The following RPTOR variants were observed in gnomAD, a reference collection of about 807,000 sequenced individuals.
The protein encoded by RPTOR is regulatory associated protein of MTOR complex 1.
In RPTOR, 21 loss-of-function variants were observed where a neutral mutation model predicts 169.9. The ratio of observed to expected loss-of-function variants is 0.12; its 90% CI spans 0.09 to 0.18. The LOEUF (loss-of-function observed/expected upper bound fraction) is 0.18, where lower values mean the gene tolerates loss of function less well. Ranked by LOEUF, RPTOR falls within the 10% of genes least tolerant of loss-of-function variation. The probability of loss-of-function intolerance (pLI) is 1.00; values close to 1 mark genes in which losing one functional copy is unlikely to be tolerated. For synonymous variants in RPTOR, 732 were observed against 753.2 expected (o/e 0.97, Z 0.46); for missense variants, 1,133 against 1,855.9 (o/e 0.61, Z 7.16).
chr17:80,750,333 C>T (rs1169511336), intron 5 of RPTOR, among the ~76,000 whole-genome samples: 1 of 152,186 alleles, frequency 6.6e-6, no homozygotes, highest in Non-Finnish European at 1.5e-5. Flanking sequence ...CTTACGTGGC[C>T]AGTGGTAGTG....
At chr17:80,939,849 A>G (rs938438804) in intron 24 of RPTOR, among the ~76,000 whole-genome samples, 9 of 152,212 alleles carry the variant, frequency 5.9e-5, no homozygotes, top group African/African-American at 2.2e-4. Flanking sequence ...TGCTGACCTC[A>G]GTGCCCCCCA....
chr17:80,780,959 C>T (rs969930919), intron 6 of RPTOR, among the ~76,000 whole-genome samples: 1 of 152,174 alleles, frequency 6.6e-6, no homozygotes, highest in African/African-American at 2.4e-5. Flanking sequence ...TGAGATGCAC[C>T]AGGATCCTGT....
intron 1 of RPTOR, among the ~76,000 whole-genome samples, chr17:80,556,864 C>A (rs9890210): frequency 6.6e-6 from 1 of 151,472 alleles, no homozygotes; most frequent in Non-Finnish European, 1.5e-5. Flanking sequence ...GAGGTCGAGG[C>A]GGGTGGGTCA....
chr17:80,744,683 A>T (rs1273393520), intron 5 of RPTOR, among the ~76,000 whole-genome samples: 1 of 48,798 alleles, frequency 2.0e-5, no homozygotes, highest in African/African-American at 2.1e-4. Context: ...CTACTAGCAC[A>T]GCCCTGGCTA....
intron 1 of RPTOR, among the ~76,000 whole-genome samples, chr17:80,572,124 G>A (rs772693401): frequency 7.9e-5 from 12 of 152,234 alleles, no homozygotes; most frequent in Admixed American, 2.0e-4. Flanking sequence ...TAGAGACTGC[G>A]TCTCACTCTG....
intron 21 of RPTOR, among the ~76,000 whole-genome samples, chr17:80,917,748 C>T (rs563497244): frequency 6.6e-6 from 1 of 152,284 alleles, no homozygotes; most frequent in East Asian, 1.9e-4. Flanking sequence ...CTGTTGCCAC[C>T]GTGATCCCTC....
chr17:80,666,494 G>C (rs151048348), intron 3 of RPTOR, among the ~76,000 whole-genome samples: 1 of 152,262 alleles, frequency 6.6e-6, no homozygotes, highest in Non-Finnish European at 1.5e-5. Context: ...AGTGTAGGAA[G>C]GGCGCAAGGA....
rs1289121472 is a variant in RPTOR, at chr17:80,754,740, T to C, written c.830+555T>C. On this transcript the variant is annotated intron_variant, in intron 6 of 33. Coordinates refer to ENST00000306801, the MANE Select transcript of RPTOR (RefSeq NM_020761.3). The surrounding 1 kb of genome is among the most constrained non-coding windows in gnomAD (Gnocchi z 4.2). ...ATCCCCAGCAGAACGCACAGTGGGA[T>C]ATGTGTGTTTCCTGCCTCCAAATCC... Among the ~76,000 whole-genome samples, 1 of 152,172 alleles carries C rather than the reference T, an allele frequency of 6.6e-6. No homozygotes were observed. Among genetic ancestry groups the C allele is most frequent in the East Asian group, 1.9e-4 (1 of 5,194 alleles).
At position 80,947,359 on chromosome 17, in the gene RPTOR, G is replaced by A. The variant is rs1380973755; in HGVS notation, c.3265+8G>A. The A allele has an allele frequency of 6.5e-7, 1 of 1,549,618 alleles. No individual in the cohort carries two copies. Among genetic ancestry groups the A allele is most frequent in the Non-Finnish European group, 8.7e-7 (1 of 1,150,380 alleles). The stretch of plus-strand genomic sequence containing the variant: ...TTCTGCTGACGGCCACAGGTGAGCG[G>A]GGTTTGCACAGCCAGGATTGGAAGC... On this transcript the variant is annotated splice_region_variant and intron_variant, in intron 27 of 33. Transcript: ENST00000306801. This position sits in a 1 kb window ranked among gnomAD's most constrained non-coding sequence, Gnocchi z 4.4.
In RPTOR at chr17:80,774,278, G is replaced by A. The variant is rs977488682; in HGVS notation, c.831-17172G>A. On this transcript the variant is annotated intron_variant, in intron 6 of 33. Transcript: ENST00000306801. ...CACGCTCCGGTGTGACACAGACGGC[G>A]CGGGAGCTGCACGGGAGAGTGCTTT... The A allele has an allele frequency of 5.0e-5, 49 of 985,436 alleles. No homozygotes were observed. The Admixed American group carries it at 5.5e-4, about 11-fold the overall frequency. The allele number at this position is 985,436 out of a possible 1,614,324, so 61.0% of individuals were successfully genotyped here.
At chr17:80,848,038 C>G (rs1268564274) in intron 11 of RPTOR, among the ~76,000 whole-genome samples, 3 of 152,232 alleles carry the variant, frequency 2.0e-5, no homozygotes, top group Non-Finnish European at 2.9e-5. Context: ...CAGGACTTTG[C>G]CCCAAGAATC....
At chr17:80,808,470 A>G (rs1433769749) in intron 7 of RPTOR, among the ~76,000 whole-genome samples, 3 of 152,204 alleles carry the variant, frequency 2.0e-5, no homozygotes, top group African/African-American at 7.2e-5. Flanking sequence ...ATCTGCTGGG[A>G]AAAAGTTCTC....
At chr17:80,791,724 A>T (rs1207170287) in intron 7 of RPTOR, among the ~76,000 whole-genome samples, 2 of 152,218 alleles carry the variant, frequency 1.3e-5, no homozygotes, top group African/African-American at 2.4e-5. Context: ...ATGAAAAGAA[A>T]AATAATAAAA....
chr17:80,687,502 AT>A (rs200635031), intron 3 of RPTOR, among the ~76,000 whole-genome samples: 11,848 of 152,232 alleles, frequency 0.078, 546 homozygotes, highest in Middle Eastern at 0.13. Context: ...TCATTGTTTG[AT>A]GAAAGGCAGG....
chr17:80,760,389 C>A (rs1251927532), intron 6 of RPTOR, among the ~76,000 whole-genome samples: 1 of 149,842 alleles, frequency 6.7e-6, no homozygotes, highest in East Asian at 2.0e-4. Flanking sequence ...GCAACCTCCA[C>A]CTCCTCGGTT....
intron 9 of RPTOR, among the ~76,000 whole-genome samples, chr17:80,824,587 T>C (rs942368262): frequency 2.0e-5 from 3 of 152,138 alleles, no homozygotes; most frequent in African/African-American, 7.2e-5. Context: ...TACATTTATT[T>C]TAAAAGAGGA....
intron 28 of RPTOR, among the ~76,000 whole-genome samples, chr17:80,951,225 G>A (rs2069173992): frequency 1.3e-5 from 2 of 151,926 alleles, no homozygotes; most frequent in African/African-American, 4.9e-5. Flanking sequence ...ACCCCCAGAA[G>A]CATCCACACA....
At chr17:80,763,534 G>A (rs1319861538) in intron 6 of RPTOR, among the ~76,000 whole-genome samples, 4 of 152,226 alleles carry the variant, frequency 2.6e-5, no homozygotes, top group African/African-American at 9.7e-5. Context: ...GCAGATGAAT[G>A]AGAAGTGTGC....
intron 10 of RPTOR, among the ~76,000 whole-genome samples, chr17:80,838,812 C>G (rs917679470): frequency 3.3e-5 from 5 of 152,194 alleles, no homozygotes; most frequent in Non-Finnish European, 7.4e-5. Flanking sequence ...CAGAGCCTAG[C>G]TTTGCCACCG....
Sources: allele counts gnomAD v4.1 joint callset (sites outside exome capture counted in the v4.1 genomes callset), GRCh38; gene constraint gnomAD v4.1.1; non-coding constraint Gnocchi (gnomAD v3.1); transcripts MANE v1.5; gene names NCBI Gene and HGNC (gene_info 2026-07-23, HGNC 2026-07-21).